Variants in KHDRBS2 observed in about 807,000 individuals in gnomAD.
The protein encoded by KHDRBS2 is KH RNA binding domain containing, signal transduction associated 2.
KHDRBS2 carries 26 observed loss-of-function variants against 44.3 expected under a neutral mutation model. The ratio of observed to expected loss-of-function variants is 0.59; its 90% CI spans 0.43 to 0.81. The LOEUF (loss-of-function observed/expected upper bound fraction) is 0.81. Among genes scored for constraint, KHDRBS2 ranks in the 40% least tolerant of loss-of-function variants. The probability of loss-of-function intolerance (pLI) is 0.00; values close to 1 mark genes in which losing one functional copy is unlikely to be tolerated. For synonymous variants in KHDRBS2, 194 were observed against 151.1 expected, an observed-to-expected ratio of 1.28 and a Z score of -2.08; for missense variants, 476 against 433.1, an observed-to-expected ratio of 1.10 and a Z score of -0.88.
the KHDRBS2 span, among the ~76,000 whole-genome samples, chr6:61,562,661 G>A: frequency 6.6e-6 from 1 of 152,036 alleles, no homozygotes; most frequent in Non-Finnish European, 1.5e-5. Flanking sequence ...AAACATCAAG[G>A]AAGATAGAAC....
intron 6 of KHDRBS2, among the ~76,000 whole-genome samples, chr6:61,870,208 G>A (rs73478935): frequency 0.022 from 3,405 of 151,644 alleles, 139 homozygotes; most frequent in African/African-American, 0.079. Context: ...GGTGTGGAGC[G>A]GGGTGGGCAT....
At chr6:61,978,657 G>T (rs542937306) in intron 3 of KHDRBS2, among the ~76,000 whole-genome samples, 2 of 152,028 alleles carry the variant, frequency 1.3e-5, no homozygotes, top group African/African-American at 4.8e-5. Context: ...AGTTAGGAAG[G>T]TTACTTGATT....
At chr6:62,245,210 C>T (rs1835344044) in intron 1 of KHDRBS2, among the ~76,000 whole-genome samples, 1 of 152,066 alleles carries the variant, frequency 6.6e-6, no homozygotes, top group African/African-American at 2.4e-5. Context: ...TTTGTTTCTG[C>T]TATTCTCCCT....
the KHDRBS2 span, among the ~76,000 whole-genome samples, chr6:61,551,605 T>A: frequency 6.6e-6 from 1 of 152,166 alleles, no homozygotes; most frequent in East Asian, 1.9e-4. Context: ...CCCAGCACCA[T>A]TTATAGAATA....
rs1312791029 is a variant in KHDRBS2 at position 61,954,642 on chromosome 6, ATACT to A, written c.483+23420_483+23423del. Among the ~76,000 whole-genome samples the A allele has an allele frequency of 8.9e-4, 119 of 133,334 alleles. 23 individuals are homozygous for A. Among genetic ancestry groups the A allele is most frequent in the African/African-American group, 1.8e-3 (62 of 35,034 alleles). 87.5% of individuals were successfully genotyped at this position (133,334 alleles called of 152,430 possible). Reference sequence around the variant, plus strand: ...CATATATATGTATATATACACATACATACTTATGTATACATACATATGTGTATAT... The same window carrying A: ...CATATATATGTATATATACACATACATATGTATACATACATATGTGTATAT... On this transcript the variant is annotated intron_variant, in intron 4 of 8. Transcript: ENST00000281156.
At chr6:61,597,967 C>T in the KHDRBS2 span, among the ~76,000 whole-genome samples, 1 of 146,784 alleles carries the variant, frequency 6.8e-6, no homozygotes, top group Non-Finnish European at 1.5e-5. Context: ...ACTTTTGACT[C>T]TTTTAAAACA....
chr6:62,200,781 C>A (rs565574372), intron 1 of KHDRBS2, among the ~76,000 whole-genome samples: 2 of 152,228 alleles, frequency 1.3e-5, no homozygotes, highest in South Asian at 4.1e-4. Context: ...AGGACACATG[C>A]ACATGTATGT....
chr6:61,709,873 G>T (rs1770205588), intron 7 of KHDRBS2, among the ~76,000 whole-genome samples: 1 of 151,600 alleles, frequency 6.6e-6, no homozygotes, highest in Non-Finnish European at 1.5e-5. Flanking sequence ...TTCATGAGTT[G>T]TCAGTAGGAT....
At chr6:62,124,456 C>T (rs1301121528) in intron 2 of KHDRBS2, among the ~76,000 whole-genome samples, 1 of 152,102 alleles carries the variant, frequency 6.6e-6, no homozygotes, top group Non-Finnish European at 1.5e-5. Flanking sequence ...TGCAGAGATT[C>T]TTATCATGCA....
At chr6:61,665,970 T>C in the KHDRBS2 span, among the ~76,000 whole-genome samples, 1 of 150,980 alleles carries the variant, frequency 6.6e-6, no homozygotes, top group Non-Finnish European at 1.5e-5. Context: ...GTTGAATAGT[T>C]ATATTTTGAT....
At chr6:62,271,446 A>G (rs935754874) in intron 1 of KHDRBS2, among the ~76,000 whole-genome samples, 2 of 152,222 alleles carry the variant, frequency 1.3e-5, no homozygotes, top group African/African-American at 4.8e-5. Context: ...TATTTTATGT[A>G]TGTATTATAC....
At chr6:61,685,838 A>G in intron 8 of KHDRBS2, among the ~76,000 whole-genome samples, 1 of 151,772 alleles carries the variant, frequency 6.6e-6, no homozygotes, top group East Asian at 1.9e-4. Context: ...AGTGGGAAAG[A>G]AAAATCTGGA....
At chr6:61,584,106 A>AGAT in the KHDRBS2 span, among the ~76,000 whole-genome samples, 1 of 151,766 alleles carries the variant, frequency 6.6e-6, no homozygotes, top group African/African-American at 2.4e-5. Flanking sequence ...CTTTTCTCAT[A>AGAT]GATGTCCTTA....
At chr6:62,218,943 G>A (rs999235715) in intron 1 of KHDRBS2, among the ~76,000 whole-genome samples, 3 of 151,746 alleles carry the variant, frequency 2.0e-5, no homozygotes, top group South Asian at 2.1e-4. Context: ...TGTATAATTG[G>A]GAGCCAAATA....
chr6:61,978,323 C>A, intron 3 of KHDRBS2, 111 bp from the exon 4 acceptor site: 1 of 753,410 alleles, frequency 1.3e-6, no homozygotes. Flanking sequence ...CCATAATTTG[C>A]TTCCATAATT....
chr6:62,177,302 C>A lies in KHDRBS2; in HGVS notation c.102G>T (p.Lys34Asn), dbSNP rs374378198. Residue 34 changes from lysine (K) to asparagine (N), a missense_variant, in exon 2 of 9, where the codon AAG (lysine) becomes AAT (asparagine). Transcript: ENST00000281156. The stretch of plus-strand genomic sequence containing the variant: ...CCTTTTTTCCATCAGAACCTTGAAA[C>A]TTTTCAATTTCTGGAAGAAAATCAC... The part of the protein sequence containing the change: ...ASRLLAEEIE[K>N]FQGSDGKKED... 2 of 1,592,612 alleles carry A rather than the reference C, an allele frequency of 1.3e-6. No homozygotes were observed. Among genetic ancestry groups the A allele is most frequent in the Non-Finnish European group, 1.7e-6 (2 of 1,166,788 alleles).
chr6:61,750,242 T>G (rs1457534690), intron 6 of KHDRBS2, among the ~76,000 whole-genome samples: 1 of 152,166 alleles, frequency 6.6e-6, no homozygotes, highest in Non-Finnish European at 1.5e-5. Context: ...CTGATATACT[T>G]AAATCTGAGG....
rs1453776799 is a variant in KHDRBS2 at position 62,045,066 on chromosome 6, C to A, written c.336+2812G>T. On this transcript the variant is annotated intron_variant, in intron 3 of 8. Transcript: ENST00000281156. Reference sequence around the variant, plus strand: ...ATTTGAGGTTCAGAGCACATTGGTGCTATAAGAACATGAAGGAAAAAAAGA... The same window carrying A: ...ATTTGAGGTTCAGAGCACATTGGTGATATAAGAACATGAAGGAAAAAAAGA... Among the ~76,000 whole-genome samples, 6 of 151,732 alleles carry A rather than the reference C, an allele frequency of 4.0e-5. No homozygotes were observed. The East Asian group carries it at 7.8e-4, about 20-fold the overall frequency.
At chr6:61,607,341 G>A in the KHDRBS2 span, among the ~76,000 whole-genome samples, 1 of 150,608 alleles carries the variant, frequency 6.6e-6, no homozygotes, top group Non-Finnish European at 1.5e-5. Context: ...TAAACACACA[G>A]AAGAGGGGAG....
Sources: allele counts gnomAD v4.1 joint callset (sites outside exome capture counted in the v4.1 genomes callset), GRCh38; gene constraint gnomAD v4.1.1; transcripts MANE v1.5; gene names NCBI Gene and HGNC (gene_info 2026-07-23, HGNC 2026-07-21).